CDH13: variants seen among roughly 807,000 people sequenced by gnomAD.
CDH13 encodes cadherin-13.
In CDH13, 24 loss-of-function variants were observed where a neutral mutation model predicts 63.8. The observed-to-expected ratio is 0.38, with a 90% CI of 0.27 to 0.53. The LOEUF is 0.53. CDH13 is among the 20% of genes least tolerant of loss of function. The pLI, the probability that CDH13 is intolerant of heterozygous loss-of-function variation, is 0.85. For synonymous variants in CDH13, 503 were observed against 355.3 expected (o/e 1.42, Z -4.67); for missense variants, 1,049 against 903.1 (o/e 1.16, Z -2.07).
chr16:83,536,276 G>A (rs4238691), intron 7 of CDH13, among the ~76,000 whole-genome samples: 53,958 of 152,068 alleles, frequency 0.35, 11,166 homozygotes, highest in Non-Finnish European at 0.45. Flanking sequence ...AATAAGCATA[G>A]TAAGAAAGAT....
Position 83,783,387 on chromosome 16 carries a change from G to C in CDH13, c.2049G>C (p.Arg683Ser), listed in dbSNP as rs757204498. Residue 683 changes from arginine to serine, a missense_variant, in exon 13 of 14, where the codon AGG becomes AGC. Coordinates refer to ENST00000567109, the MANE Select transcript of CDH13 (RefSeq NM_001257.5). ...TCAGGGTACAAGTGTGCTCCTGCAG[G>C]AATTCCAAAGTGGACTGCAACGCGG... ...TDLRVQVCSC[R>S]NSKVDCNAAG... 7 of 1,613,890 alleles carry C rather than the reference G, an allele frequency of 4.3e-6. No homozygotes were observed. The highest frequency in any genetic ancestry group is 1.3e-5 in the African/African-American group (1 of 74,930).
At chr16:83,472,767 T>C (rs2073489807) in intron 6 of CDH13, among the ~76,000 whole-genome samples, 1 of 152,220 alleles carries the variant, frequency 6.6e-6, no homozygotes, top group Admixed American at 6.5e-5. Flanking sequence ...TGCCAGAAGC[T>C]ACTGGATCGA....
Position 83,490,710 on chromosome 16 carries a change from C to T in CDH13, c.960+4055C>T, listed in dbSNP as rs144697782. Among the ~76,000 whole-genome samples, 33 of 152,262 alleles carry T rather than the reference C, an allele frequency of 2.2e-4. No individual in the cohort carries two copies. The East Asian group carries it at 4.4e-3, about 21-fold the overall frequency. On this transcript the variant is annotated intron_variant, in intron 7 of 13. Transcript: ENST00000567109. ...GAAATATCTGTTGAGAGTTGAAAGG[C>T]GGGAAGGAAGTGAGGAAGACAGCGT...
intron 4 of CDH13, among the ~76,000 whole-genome samples, chr16:83,151,662 C>A (rs1419820307): frequency 6.6e-6 from 1 of 152,140 alleles, no homozygotes; most frequent in Admixed American, 6.6e-5. Flanking sequence ...CCTACTTAGT[C>A]TATTAGAAAT....
chr16:83,652,735 A>G (rs1010150478), intron 8 of CDH13, among the ~76,000 whole-genome samples: 1 of 152,154 alleles, frequency 6.6e-6, no homozygotes, highest in African/African-American at 2.4e-5. Context: ...GGGTTAACAA[A>G]TGACTTGAAT....
In CDH13 at chr16:82,752,166, C is replaced by G. The variant is rs137947863; in HGVS notation, c.46-106196C>G. Among the ~76,000 whole-genome samples, 60 of 152,330 alleles carry G rather than the reference C, an allele frequency of 3.9e-4. No homozygotes were observed. The East Asian group carries it at 0.011, about 29-fold the overall frequency. The stretch of plus-strand genomic sequence containing the variant: ...CCTGGGACAATCAATACATGAGCCT[C>G]CTTTCCACCAAATTCTCTTCTCATT... On this transcript the variant is annotated intron_variant, in intron 1 of 13. Coordinates refer to ENST00000567109, the MANE Select transcript of CDH13 (RefSeq NM_001257.5).
Position 82,959,045 on chromosome 16 carries a change from T to A in CDH13, c.158-72965T>A, listed in dbSNP as rs183712924. Among the ~76,000 whole-genome samples, 316 of 152,324 alleles carry A rather than the reference T, an allele frequency of 2.1e-3. 1 individual carries two copies. The highest frequency in any genetic ancestry group is 6.9e-4 in the Non-Finnish European group (47 of 68,032). Reference sequence around the variant, plus strand: ...CAGTATTTTGGCGAGGAGCAAGGCTTCCCCAGCAGTGTTCATGATCTGACA... The same window carrying A: ...CAGTATTTTGGCGAGGAGCAAGGCTACCCCAGCAGTGTTCATGATCTGACA... On this transcript the variant is annotated intron_variant, in intron 2 of 13. Transcript: ENST00000567109.
chr16:83,053,271 A>T (rs1204553951), intron 3 of CDH13, among the ~76,000 whole-genome samples: 2 of 152,192 alleles, frequency 1.3e-5, no homozygotes, highest in Non-Finnish European at 2.9e-5. Flanking sequence ...TATAGGAGTT[A>T]AAAAGGTATC....
chr16:83,008,371 G>C (rs1254830332), intron 2 of CDH13, among the ~76,000 whole-genome samples: 4 of 152,176 alleles, frequency 2.6e-5, no homozygotes, highest in African/African-American at 9.6e-5. Context: ...CCTTGGAAAT[G>C]TGGGGGAATT....
At chr16:82,966,800 A>G (rs1057449237) in intron 2 of CDH13, among the ~76,000 whole-genome samples, 1 of 152,152 alleles carries the variant, frequency 6.6e-6, no homozygotes, top group Non-Finnish European at 1.5e-5. Context: ...TTTTCCCCTC[A>G]TCTTCAGTGT....
chr16:83,225,352 C>G (rs2039808807), intron 5 of CDH13, among the ~76,000 whole-genome samples: 1 of 152,180 alleles, frequency 6.6e-6, no homozygotes, highest in Non-Finnish European at 1.5e-5. Context: ...AAAGCCCTCT[C>G]CATCCAATTC....
At chr16:82,970,382 C>CTTTTT (rs558393653) in intron 2 of CDH13, among the ~76,000 whole-genome samples, 5 of 76,758 alleles carry the variant, frequency 6.5e-5, no homozygotes, top group South Asian at 9.4e-4. Context: ...AGTGCATATT[C>CTTTTT]TTTTTTTTTT....
intron 10 of CDH13, among the ~76,000 whole-genome samples, chr16:83,701,166 G>C (rs1413893440): frequency 6.6e-6 from 1 of 152,118 alleles, no homozygotes. Context: ...AATTCACTTT[G>C]TCATTACTTA....
chr16:83,302,781 A>G (rs1021009715), intron 5 of CDH13, among the ~76,000 whole-genome samples: 5 of 152,210 alleles, frequency 3.3e-5, no homozygotes, highest in Admixed American at 6.5e-5. Flanking sequence ...CCCAGCCACA[A>G]TAAGAGTGGG....
chr16:82,866,655 G>T (rs2040157526), intron 2 of CDH13, among the ~76,000 whole-genome samples: 1 of 151,874 alleles, frequency 6.6e-6, no homozygotes, highest in Non-Finnish European at 1.5e-5. Flanking sequence ...CCTGAGACTG[G>T]GTAGTTTATA....
At chr16:82,752,308 T>C (rs1365808919) in intron 1 of CDH13, among the ~76,000 whole-genome samples, 2 of 152,210 alleles carry the variant, frequency 1.3e-5, no homozygotes, top group African/African-American at 4.8e-5. Context: ...AGCCCGCCAA[T>C]GATGGATAGA....
chr16:83,667,939 A>T (rs769528821), intron 8 of CDH13, among the ~76,000 whole-genome samples: 40 of 152,094 alleles, frequency 2.6e-4, no homozygotes, highest in Non-Finnish European at 4.3e-4. Flanking sequence ...CTAGGATTAC[A>T]GTGTTAGAAT....
chr16:83,433,272 C>A (rs1567669336), intron 6 of CDH13, among the ~76,000 whole-genome samples: 1 of 152,212 alleles, frequency 6.6e-6, no homozygotes, highest in East Asian at 1.9e-4. Context: ...CCCAACATCT[C>A]ATAGCTTCAG....
intron 1 of CDH13, among the ~76,000 whole-genome samples, chr16:82,748,171 C>T (rs1225359920): frequency 6.6e-6 from 1 of 152,138 alleles, no homozygotes; most frequent in Non-Finnish European, 1.5e-5. Flanking sequence ...GGGGACTCTG[C>T]CAAAGCCCTG....
Sources: allele counts gnomAD v4.1 joint callset (sites outside exome capture counted in the v4.1 genomes callset), GRCh38; gene constraint gnomAD v4.1.1; transcripts MANE v1.5; gene names NCBI Gene and HGNC (gene_info 2026-07-23, HGNC 2026-07-21).